The following DNAAF9 variants were observed in gnomAD, a reference collection of about 807,000 sequenced individuals.
The protein encoded by DNAAF9 is shulin.
In DNAAF9, 90 loss-of-function variants were observed where a neutral mutation model predicts 167.0. The ratio of observed to expected loss-of-function variants is 0.54; its 90% CI spans 0.45 to 0.64. The LOEUF (loss-of-function observed/expected upper bound fraction) is 0.64. Ranked by LOEUF, DNAAF9 falls within the 30% of genes least tolerant of loss-of-function variation. The pLI is 0.00. For missense variants in DNAAF9, 1,315 were observed against 1,442.2 expected (o/e 0.91, Z 1.43); for synonymous variants, 491 against 508.8 (o/e 0.96, Z 0.47).
At chr20:3,295,470 C>T (rs1290593708) in intron 23 of DNAAF9, 10 of 298,910 alleles carry the variant, frequency 3.3e-5, no homozygotes, top group African/African-American at 1.2e-4. Flanking sequence ...TGAACCACTG[C>T]GCCTGACCTT....
At position 3,312,626 on chromosome 20, in the gene DNAAF9, T is replaced by C. The variant is rs550607632; in HGVS notation, c.1678+2407A>G. 5.3e-5 allele frequency among the ~76,000 whole-genome samples: 8 copies of C among 152,180 alleles called. No individual in the cohort carries two copies. In the East Asian group the frequency reaches 1.4e-3, roughly 26 times the overall value. On this transcript the variant is annotated intron_variant, in intron 20 of 36. Coordinates refer to ENST00000252032, the MANE Select transcript of DNAAF9 (RefSeq NM_001009984.3). ...GGCAGATTTATAAAGACAAAGACAC[T>C]AAAGACACTTGAACTTCAGGACCCC... is the stretch of plus-strand genomic sequence containing the variant.
At chr20:3,360,788 C>T (rs2083351582) in intron 6 of DNAAF9, among the ~76,000 whole-genome samples, 1 of 152,204 alleles carries the variant, frequency 6.6e-6, no homozygotes. Context: ...CTGTTTAAAA[C>T]TTCAATTTTT....
intron 23 of DNAAF9, chr20:3,295,654 G>T: frequency 1.9e-6 from 1 of 516,066 alleles, no homozygotes; most frequent in Non-Finnish European, 3.9e-6. Context: ...GCTACCTCCT[G>T]CTGTTTCACA....
At chr20:3,323,245 A>C (rs972795057) in intron 14 of DNAAF9, among the ~76,000 whole-genome samples, 10 of 148,798 alleles carry the variant, frequency 6.7e-5, no homozygotes, top group African/African-American at 2.5e-4. Context: ...GCTAACCTGA[A>C]GCAGTTTGAG....
At chr20:3,332,863 T>TGTGC (rs1324308685) in intron 10 of DNAAF9, among the ~76,000 whole-genome samples, 2 of 151,472 alleles carry the variant, frequency 1.3e-5, no homozygotes, top group Non-Finnish European at 2.9e-5. Flanking sequence ...TTTTGGTGCG[T>TGTGC]GTGCGTGCGT....
At chr20:3,340,437 C>G in intron 10 of DNAAF9, 67 bp downstream of exon 10, 3 of 184,490 alleles carry the variant, frequency 1.6e-5, no homozygotes, top group Non-Finnish European at 3.4e-5. Context: ...TCTAGCTCCC[C>G]CCACCCACCC....
rs1046279777 is a variant in DNAAF9 at position 3,388,108 on chromosome 20, C to A, written c.84-5602G>T. On this transcript the variant is annotated intron_variant, in intron 1 of 36. Transcript: ENST00000252032. Reference sequence around the variant, plus strand: ...GAAAAGAAAAGGGCAAAGAACATTTCTCTGAAGAGGATATGCAAATGGCCA... The same window carrying A: ...GAAAAGAAAAGGGCAAAGAACATTTATCTGAAGAGGATATGCAAATGGCCA... Among the ~76,000 whole-genome samples, 5 of 151,264 alleles carry A rather than the reference C, an allele frequency of 3.3e-5. No homozygotes were observed. In the South Asian group the frequency reaches 1.0e-3, roughly 32 times the overall value.
intron 11 of DNAAF9, 34 bp downstream of exon 11, chr20:3,332,246 T>C (rs2069843238): frequency 1.9e-6 from 2 of 1,048,194 alleles, no homozygotes; most frequent in African/African-American, 1.6e-5. Flanking sequence ...ATTCATTAGA[T>C]AAGCTGATGA....
At chr20:3,298,573 G>T (rs1423216617) in intron 21 of DNAAF9, among the ~76,000 whole-genome samples, 2 of 151,942 alleles carry the variant, frequency 1.3e-5, no homozygotes, top group African/African-American at 2.4e-5. Context: ...TCCCACCTTG[G>T]CCTCCCCAAG....
chr20:3,309,593 A>G (rs775325713), intron 20 of DNAAF9, among the ~76,000 whole-genome samples: 1 of 152,238 alleles, frequency 6.6e-6, no homozygotes, highest in African/African-American at 2.4e-5. Context: ...TGATTTTTCA[A>G]TAACTTTGCT....
At chr20:3,346,787 T>C (rs1306970438) in intron 8 of DNAAF9, among the ~76,000 whole-genome samples, 2 of 152,116 alleles carry the variant, frequency 1.3e-5, no homozygotes, top group Admixed American at 1.3e-4. Context: ...TGAGTATACC[T>C]TGTGGAATCT....
At chr20:3,314,919 T>C in intron 20 of DNAAF9, 114 bp downstream of exon 20, 1 of 684,514 alleles carries the variant, frequency 1.5e-6, no homozygotes, top group South Asian at 1.8e-5. Context: ...AAAACATTTC[T>C]GTACCACAAT....
chr20:3,311,897 T>C (rs1044702386), intron 20 of DNAAF9, among the ~76,000 whole-genome samples: 10 of 152,130 alleles, frequency 6.6e-5, no homozygotes, highest in Admixed American at 1.3e-4. Context: ...CAAGACATCT[T>C]GTGATAGCAG....
intron 21 of DNAAF9, among the ~76,000 whole-genome samples, chr20:3,302,687 G>A (rs1401656216): frequency 1.3e-5 from 2 of 152,112 alleles, no homozygotes; most frequent in Non-Finnish European, 2.9e-5. Flanking sequence ...CAGACTCAAA[G>A]GTTACAGAAT....
chr20:3,286,230 A>G (rs535598684), intron 27 of DNAAF9, among the ~76,000 whole-genome samples: 2 of 152,294 alleles, frequency 1.3e-5, no homozygotes, highest in South Asian at 4.2e-4. Context: ...AATTGACTAG[A>G]GGTCCCCATA....
At chr20:3,252,719 G>A (rs757978190) in intron 36 of DNAAF9, 35 bp from the exon 37 acceptor site, 3 of 1,255,876 alleles carry the variant, frequency 2.4e-6, no homozygotes, top group Admixed American at 1.7e-5. Context: ...CTCTGAGCCT[G>A]GAGGACAAGG....
chr20:3,384,383 C>T (rs1331142000), intron 1 of DNAAF9: 7 of 152,188 alleles, frequency 4.6e-5, no homozygotes, highest in Non-Finnish European at 8.8e-5. Context: ...CCATTCGTCA[C>T]TGATGACTGT....
At chr20:3,260,196 G>A (rs932890163) in intron 31 of DNAAF9, among the ~76,000 whole-genome samples, 168 bp from the exon 32 acceptor site, 7 of 151,826 alleles carry the variant, frequency 4.6e-5, no homozygotes, top group African/African-American at 7.3e-5. Flanking sequence ...AAAATTAGCC[G>A]GGCGCGGTGG....
At chr20:3,383,010 T>C (rs1320266772) in intron 1 of DNAAF9, among the ~76,000 whole-genome samples, 1 of 152,144 alleles carries the variant, frequency 6.6e-6, no homozygotes, top group East Asian at 1.9e-4. Context: ...ATAGGGAGTG[T>C]CAGCAGAGAA....
Sources: allele counts gnomAD v4.1 joint callset (sites outside exome capture counted in the v4.1 genomes callset), GRCh38; gene constraint gnomAD v4.1.1; transcripts MANE v1.5; gene names NCBI Gene and HGNC (gene_info 2026-07-23, HGNC 2026-07-21).